The following PSG2 variants were observed in gnomAD, a reference collection of about 807,000 sequenced individuals.
PSG2 encodes pregnancy-specific beta-1-glycoprotein 2.
A neutral mutation model predicts 36.2 loss-of-function variants in PSG2; 49 were observed. The ratio of observed to expected loss-of-function variants is 1.35; its 90% CI spans 1.08 to 1.72. PSG2 has a LOEUF of 1.72. Ranked by LOEUF, PSG2 falls within the 40% of genes most tolerant of loss-of-function variation. The pLI is 0.00. For missense variants in PSG2, 605 were observed against 407.2 expected (o/e 1.49, Z -4.18); for synonymous variants, 261 against 155.6 (o/e 1.68, Z -5.04).
chr19:43,072,094 C>T (rs182947734), intron 3 of PSG2, 140 bp from the exon 4 acceptor site: 17 of 1,403,382 alleles, frequency 1.2e-5, no homozygotes, highest in African/African-American at 7.3e-5. Context: ...TTCACTGAGC[C>T]GAACCCTGAA....
intron 3 of PSG2, among the ~76,000 whole-genome samples, chr19:43,074,308 T>C (rs2122906274): frequency 6.6e-6 from 1 of 151,836 alleles, no homozygotes; most frequent in East Asian, 1.9e-4. Flanking sequence ...CTAACAATAT[T>C]GAGTCTTCCA....
intron 2 of PSG2, among the ~76,000 whole-genome samples, chr19:43,076,773 A>G (rs1480336691): frequency 6.6e-6 from 1 of 151,704 alleles, no homozygotes; most frequent in African/African-American, 2.4e-5. Flanking sequence ...TAGTTCATTC[A>G]GATAAAGTGC....
chr19:43,077,441 C>G (rs967346563), intron 2 of PSG2, among the ~76,000 whole-genome samples: 8 of 151,766 alleles, frequency 5.3e-5, no homozygotes, highest in Non-Finnish European at 1.0e-4. Flanking sequence ...GACCCCAAAA[C>G]AGGTATGTGA....
Position 43,070,687 on chromosome 19 carries a change from G to T in PSG2, c.964+1013C>A, listed in dbSNP as rs528853736. 9.2e-4 allele frequency among the ~76,000 whole-genome samples: 140 copies of T among 151,750 alleles called. 4 individuals are homozygous for T. The highest frequency in any genetic ancestry group is 3.4e-3 in the African/African-American group (139 of 41,178). The stretch of plus-strand genomic sequence containing the variant: ...GAAATTAGAATGGTGGGTGCTAAGG[G>T]TTCGAGGGAGAAGGAGTGAGAGTTA... On this transcript the variant is annotated intron_variant, in intron 4 of 5. Coordinates refer to ENST00000406487, the MANE Select transcript of PSG2 (RefSeq NM_031246.4).
intron 5 of PSG2, chr19:43,065,774 T>G (rs191750547): frequency 6.6e-6 from 1 of 151,916 alleles, no homozygotes; most frequent in Non-Finnish European, 1.5e-5. Context: ...TAGGTTGTGT[T>G]CTGAGTCTCA....
At chr19:43,072,258 G>C in intron 3 of PSG2, 1 of 1,555,720 alleles carries the variant, frequency 6.4e-7, no homozygotes, top group Non-Finnish European at 8.7e-7. Context: ...AAGTAAAGTT[G>C]TCTATACTTG....
chr19:43,066,654 G>T, intron 4 of PSG2, 54 bp from the exon 5 acceptor site: 1 of 1,499,496 alleles, frequency 6.7e-7, no homozygotes, highest in Non-Finnish European at 9.3e-7. Context: ...TTTTACATGG[G>T]GGAGCATCAG....
intron 1 of PSG2, 143 bp from the exon 2 acceptor site, chr19:43,081,389 AC>A: frequency 7.8e-7 from 1 of 1,275,260 alleles, no homozygotes; most frequent in Non-Finnish European, 1.1e-6. Flanking sequence ...ACACACACAC[AC>A]ACACACACAA....
Position 43,079,446 on chromosome 19 carries a change from C to T in PSG2, c.430+1435G>A, listed in dbSNP as rs1167956284. 4.0e-5 allele frequency among the ~76,000 whole-genome samples: 6 copies of T among 151,568 alleles called. No individual in the cohort carries two copies. In the South Asian group the frequency reaches 6.2e-4, roughly 16 times the overall value. ...CCTCCTAGGATTCTGCATCCAACATCCAGTCTCTAAAGAGGTTTTGGATCA... is the reference window on the plus strand; with the variant it reads ...CCTCCTAGGATTCTGCATCCAACATTCAGTCTCTAAAGAGGTTTTGGATCA... On this transcript the variant is annotated intron_variant, in intron 2 of 5. Coordinates refer to ENST00000406487, the MANE Select transcript of PSG2 (RefSeq NM_031246.4).
Position 43,080,857 on chromosome 19 carries a change from C to G in PSG2, c.430+24G>C, listed in dbSNP as rs534644239. 12 of 1,611,886 alleles carry G rather than the reference C, an allele frequency of 7.4e-6. 1 individual carries two copies. Among genetic ancestry groups the G allele is most frequent in the Non-Finnish European group, 9.3e-6 (11 of 1,178,990 alleles). On this transcript the variant is annotated intron_variant, in intron 2 of 5. Coordinates refer to ENST00000406487, the MANE Select transcript of PSG2 (RefSeq NM_031246.4). ...GAAATGACCCCTGTCCCCCAACACC[C>G]AGGGATCATGTGGAATCACTTACGG...
At chr19:43,071,675 G>A in intron 4 of PSG2, 25 bp downstream of exon 4, 1 of 1,612,664 alleles carries the variant, frequency 6.2e-7, no homozygotes, top group East Asian at 2.2e-5. Flanking sequence ...AAACCCTACT[G>A]CCAAGGATGC....
chr19:43,081,602 C>T (rs1967976836), intron 1 of PSG2, among the ~76,000 whole-genome samples: 1 of 151,520 alleles, frequency 6.6e-6, no homozygotes, highest in South Asian at 2.1e-4. Flanking sequence ...CTGACACCTC[C>T]TTCAGAGACC....
At chr19:43,074,933 T>C (rs1967871543) in intron 3 of PSG2, among the ~76,000 whole-genome samples, 2 of 151,114 alleles carry the variant, frequency 1.3e-5, no homozygotes, top group Admixed American at 6.6e-5. Flanking sequence ...GAGGAAGAAA[T>C]GGTGGGGGCA....
At chr19:43,068,514 T>C (rs1190928738) in intron 4 of PSG2, among the ~76,000 whole-genome samples, 2 of 149,560 alleles carry the variant, frequency 1.3e-5, no homozygotes, top group African/African-American at 2.5e-5. Flanking sequence ...TTACTACCAA[T>C]TCTAATAAAA....
chr19:43,066,095 A>C (rs750522675), intron 5 of PSG2, among the ~76,000 whole-genome samples: 9 of 151,714 alleles, frequency 5.9e-5, no homozygotes, highest in Non-Finnish European at 1.0e-4. Flanking sequence ...TGATTAAATC[A>C]ATTAACCAGA....
rs1058466 is a variant in PSG2 at position 43,071,756 on chromosome 19, A to G, written c.908T>C (p.Val303Ala). 1.2e-6 allele frequency: 2 copies of G among 1,612,910 alleles called. No homozygotes were observed. The highest frequency in any genetic ancestry group is 4.5e-5 in the East Asian group (2 of 44,884). ...TTCCTCGCCAGTGGCTGAGTTACGA[A>G]CAGAGCAAACATAGAGCCCGCTATG... ...TKHSGLYVCSVRNSATGEESS... is the reference protein window; with the variant it reads ...TKHSGLYVCSARNSATGEESS... The change falls in exon 4 of 6, where the codon GTT (valine) becomes GCT (alanine). Residue 303 changes from valine (V) to alanine (A), a missense_variant. Val to Ala is a moderately conservative substitution (Grantham distance 64, BLOSUM62 0). Transcript: ENST00000406487.
At chr19:43,074,796 T>C (rs192319065) in intron 3 of PSG2, among the ~76,000 whole-genome samples, 4 of 151,876 alleles carry the variant, frequency 2.6e-5, no homozygotes, top group Non-Finnish European at 5.9e-5. Flanking sequence ...TTTAGTGATT[T>C]GAGGGATAAA....
chr19:43,067,695 G>C (rs1308473945), intron 4 of PSG2, among the ~76,000 whole-genome samples: 1 of 151,276 alleles, frequency 6.6e-6, no homozygotes, highest in Non-Finnish European at 1.5e-5. Flanking sequence ...CAAGGTTGAT[G>C]ATGATGATAG....
chr19:43,082,217 T>G (rs1194008719), intron 1 of PSG2: 8 of 304,484 alleles, frequency 2.6e-5, no homozygotes, highest in Admixed American at 4.7e-5. Context: ...CTCGGCACGC[T>G]GCAACTTCTG....
Sources: gnomAD v4.1 joint callset for allele counts (sites outside exome capture counted in the v4.1 genomes callset) on GRCh38, gnomAD v4.1.1 for gene constraint, MANE v1.5 for transcripts, NCBI Gene and HGNC (gene_info 2026-07-23, HGNC 2026-07-21) for gene names.